RNFT2: variants seen among roughly 807,000 people sequenced by gnomAD.
RNFT2 encodes E3 ubiquitin-protein ligase RNFT2.
Under a neutral mutation model 53.0 loss-of-function variants are expected in RNFT2, and 36 were observed. That is an observed-to-expected ratio of 0.68 (90% CI 0.52 to 0.90). The LOEUF is 0.90. Ranked by LOEUF, RNFT2 falls within the 40% of genes least tolerant of loss-of-function variation. The probability of loss-of-function intolerance (pLI) is 0.00; values close to 1 mark genes in which losing one functional copy is unlikely to be tolerated. For missense variants in RNFT2, 514 were observed against 585.6 expected (o/e 0.88, Z 1.26); for synonymous variants, 260 against 253.2 (o/e 1.03, Z -0.26).
In RNFT2 at chr12:116,852,052, A is replaced by G. The variant is rs1380951414; in HGVS notation, c.*2604A>G. 2 of 1,167,546 alleles carry G rather than the reference A, an allele frequency of 1.7e-6. No homozygotes were observed. The highest frequency in any genetic ancestry group is 2.9e-5 in the Admixed American group (1 of 33,914). 72.3% of individuals were successfully genotyped at this position (1,167,546 alleles called of 1,614,324 possible). ...CTTCTGTGATCTCTATGACAGAGCCACTTCTCCACCTCTGAAATGTTCCCT... is the reference window on the plus strand; with the variant it reads ...CTTCTGTGATCTCTATGACAGAGCCGCTTCTCCACCTCTGAAATGTTCCCT... On this transcript the variant is annotated 3_prime_UTR_variant, in exon 11 of 11. Coordinates refer to ENST00000257575, the MANE Select transcript of RNFT2 (RefSeq NM_001382266.1).
intron 7 of RNFT2, among the ~76,000 whole-genome samples, chr12:116,817,539 C>T (rs574353620): frequency 6.6e-6 from 1 of 152,322 alleles, no homozygotes; most frequent in East Asian, 1.9e-4. Flanking sequence ...GCCTAATTTC[C>T]TACTCAGTTC....
intron 10 of RNFT2, among the ~76,000 whole-genome samples, chr12:116,842,913 G>T (rs902444146): frequency 6.6e-6 from 1 of 152,118 alleles, no homozygotes; most frequent in South Asian, 2.1e-4. Context: ...ATAACTGCCT[G>T]TTCTCCTCCT....
chr12:116,785,550 C>G (rs1873898382), intron 7 of RNFT2, among the ~76,000 whole-genome samples: 1 of 152,100 alleles, frequency 6.6e-6, no homozygotes, highest in Non-Finnish European at 1.5e-5. Context: ...TTTCAGCCTT[C>G]CAAAGTACTT....
chr12:116,789,600 G>A (rs1198164635), intron 7 of RNFT2, among the ~76,000 whole-genome samples: 4 of 148,006 alleles, frequency 2.7e-5, no homozygotes, highest in African/African-American at 5.0e-5. Context: ...GAGAGTGGTG[G>A]GTGGATGGAT....
At position 116,784,293 on chromosome 12, in the gene RNFT2, C is replaced by T. The variant is rs138152399; in HGVS notation, c.882+4945C>T. Among the ~76,000 whole-genome samples, 216 of 152,334 alleles carry T rather than the reference C, an allele frequency of 1.4e-3. 1 individual carries two copies. Among genetic ancestry groups the T allele is most frequent in the South Asian group, 3.7e-3 (18 of 4,822 alleles). ...CTCACGGTCTGTGGTAGGCAGCATC[C>T]GCCGCACGTGTCGTGTCCTCTTACA... is the stretch of plus-strand genomic sequence containing the variant. On this transcript the variant is annotated intron_variant, in intron 7 of 10. Transcript: ENST00000257575.
At chr12:116,839,545 CTG>C (rs1476649598) in intron 10 of RNFT2, among the ~76,000 whole-genome samples, 1 of 150,022 alleles carries the variant, frequency 6.7e-6, no homozygotes, top group Admixed American at 6.7e-5. Context: ...GGGTGAGTGA[CTG>C]TATGGATGGG....
At chr12:116,754,192 C>G (rs2137080296) in intron 5 of RNFT2, 132 bp downstream of exon 5, 4 of 701,182 alleles carry the variant, frequency 5.7e-6, no homozygotes, top group Non-Finnish European at 1.0e-5. Flanking sequence ...TAGCTTAACT[C>G]CCACATATCA....
intron 3 of RNFT2, among the ~76,000 whole-genome samples, chr12:116,741,614 A>T (rs1871613035): frequency 6.6e-6 from 1 of 152,160 alleles, no homozygotes; most frequent in South Asian, 2.1e-4. Context: ...TCACCTAATC[A>T]TTCCCAAAGG....
At chr12:116,771,796 A>T (rs1014938818) in intron 6 of RNFT2, among the ~76,000 whole-genome samples, 3 of 152,154 alleles carry the variant, frequency 2.0e-5, no homozygotes, top group African/African-American at 7.2e-5. Flanking sequence ...TGGATTACTT[A>T]GCCCCGACTT....
intron 7 of RNFT2, among the ~76,000 whole-genome samples, chr12:116,788,899 G>A (rs943937876): frequency 6.0e-5 from 9 of 150,476 alleles, no homozygotes; most frequent in African/African-American, 2.0e-4. Flanking sequence ...GGGTAAATGG[G>A]AGGAGAGTGA....
intron 7 of RNFT2, among the ~76,000 whole-genome samples, chr12:116,829,647 GC>G (rs1465230655): frequency 1.3e-5 from 2 of 152,132 alleles, no homozygotes; most frequent in African/African-American, 2.4e-5. Flanking sequence ...CACATGCCAC[GC>G]ATACGATGTA....
chr12:116,780,601 GT>G (rs1873651740), intron 7 of RNFT2, among the ~76,000 whole-genome samples: 1 of 151,352 alleles, frequency 6.6e-6, no homozygotes, highest in Admixed American at 6.6e-5. Flanking sequence ...GGCTGTTGAG[GT>G]TTTCTTAGAT....
At chr12:116,769,879 AC>A (rs1873098869) in intron 6 of RNFT2, among the ~76,000 whole-genome samples, 1 of 152,060 alleles carries the variant, frequency 6.6e-6, no homozygotes, top group Non-Finnish European at 1.5e-5. Context: ...TAAAAAAAAT[AC>A]CAAAATTAGC....
rs150015443 is a variant in RNFT2 at position 116,826,825 on chromosome 12, A to C, written c.883-6967A>C. On this transcript the variant is annotated intron_variant, in intron 7 of 10. Transcript: ENST00000257575. ...ACCTACTACATGCTAGATGCTGGGA[A>C]TATACCCAGAGTCAAATTATCTTCT... Among the ~76,000 whole-genome samples, 32 of 152,346 alleles carry C rather than the reference A, an allele frequency of 2.1e-4. No homozygotes were observed. The East Asian group carries it at 6.0e-3, about 28-fold the overall frequency.
chr12:116,823,590 A>G (rs1294148265), intron 7 of RNFT2, among the ~76,000 whole-genome samples: 1 of 152,196 alleles, frequency 6.6e-6, no homozygotes, highest in Non-Finnish European at 1.5e-5. Flanking sequence ...TGGCTGAGGC[A>G]GGAGAATTGC....
intron 7 of RNFT2, among the ~76,000 whole-genome samples, chr12:116,785,993 A>G (rs775694641): frequency 1.8e-4 from 28 of 151,996 alleles, no homozygotes; most frequent in Non-Finnish European, 3.8e-4. Flanking sequence ...CAGAGGTTGC[A>G]GTGAGCTGAG....
chr12:116,848,664 G>A (rs1408010167), intron 10 of RNFT2, among the ~76,000 whole-genome samples: 2 of 152,096 alleles, frequency 1.3e-5, no homozygotes, highest in Non-Finnish European at 2.9e-5. Flanking sequence ...TGCTGTTGCT[G>A]CTAGAAGTGC....
intron 7 of RNFT2, among the ~76,000 whole-genome samples, chr12:116,780,526 A>G (rs552829185): frequency 5.9e-5 from 9 of 152,202 alleles, no homozygotes; most frequent in Non-Finnish European, 1.3e-4. Flanking sequence ...GGTTCCTAAC[A>G]GGCCACAGTC....
chr12:116,849,218 G>T, intron 10 of RNFT2, 96 bp from the exon 11 acceptor site: 2 of 1,005,402 alleles, frequency 2.0e-6, no homozygotes, highest in Admixed American at 2.5e-5. Flanking sequence ...GAAGGCAGGG[G>T]TTGTCTGTCT....
Sources: allele counts gnomAD v4.1 joint callset (sites outside exome capture counted in the v4.1 genomes callset), GRCh38; gene constraint gnomAD v4.1.1; transcripts MANE v1.5; gene names NCBI Gene and HGNC (gene_info 2026-07-23, HGNC 2026-07-21).